The following CAMKMT variants were observed in gnomAD, a reference collection of about 807,000 sequenced individuals.
The protein encoded by CAMKMT is calmodulin-lysine N-methyltransferase.
A neutral mutation model predicts 48.0 loss-of-function variants in CAMKMT; 53 were observed. That is an observed-to-expected ratio of 1.10 (90% CI 0.89 to 1.39). CAMKMT has a LOEUF of 1.39. Among genes scored for constraint, CAMKMT ranks in the 40% most tolerant of loss-of-function variants. The pLI, the probability that CAMKMT is intolerant of heterozygous loss-of-function variation, is 0.00. For missense variants in CAMKMT, 428 were observed against 402.7 expected (o/e 1.06, Z -0.54); for synonymous variants, 165 against 152.3 (o/e 1.08, Z -0.61).
chr2:44,587,394 A>C (rs1378114430), intron 3 of CAMKMT, among the ~76,000 whole-genome samples: 2 of 151,992 alleles, frequency 1.3e-5, no homozygotes, highest in Non-Finnish European at 2.9e-5. Context: ...ATATTTTTTA[A>C]TGCTATTGTA....
At chr2:44,508,757 A>G (rs1670387084) in intron 3 of CAMKMT, among the ~76,000 whole-genome samples, 1 of 152,172 alleles carries the variant, frequency 6.6e-6, no homozygotes, top group Non-Finnish European at 1.5e-5. Context: ...CTATAATATT[A>G]TGTTAAAGGC....
intron 3 of CAMKMT, among the ~76,000 whole-genome samples, chr2:44,585,920 C>T (rs771936894): frequency 3.9e-5 from 6 of 152,168 alleles, no homozygotes; most frequent in Admixed American, 6.5e-5. Context: ...GCCCAAAGGT[C>T]GTTACTCTGC....
intron 3 of CAMKMT, among the ~76,000 whole-genome samples, chr2:44,663,813 A>T (rs1490310884): frequency 6.6e-6 from 1 of 152,194 alleles, no homozygotes; most frequent in Non-Finnish European, 1.5e-5. Flanking sequence ...ATGTGGTAAC[A>T]TTGTTCTTAG....
intron 3 of CAMKMT, among the ~76,000 whole-genome samples, chr2:44,703,508 A>G (rs1677366018): frequency 6.6e-6 from 1 of 152,180 alleles, no homozygotes; most frequent in Admixed American, 6.5e-5. Context: ...GGCCAGGCAC[A>G]GTAGCTCACA....
intron 3 of CAMKMT, among the ~76,000 whole-genome samples, chr2:44,412,943 G>A (rs1067390): frequency 0.53 from 80,171 of 151,268 alleles, 23,470 homozygotes; most frequent in Non-Finnish European, 0.66. Flanking sequence ...AGGTGTGGTG[G>A]CGTGCGCCTG....
intron 3 of CAMKMT, among the ~76,000 whole-genome samples, chr2:44,392,988 G>A (rs1036317227): frequency 6.6e-6 from 1 of 152,004 alleles, no homozygotes; most frequent in Non-Finnish European, 1.5e-5. Flanking sequence ...AGAAAAAACA[G>A]CTTAACTAAA....
At chr2:44,419,336 T>C (rs1449311456) in intron 3 of CAMKMT, among the ~76,000 whole-genome samples, 1 of 152,184 alleles carries the variant, frequency 6.6e-6, no homozygotes, top group African/African-American at 2.4e-5. Flanking sequence ...ATTCCAGTGT[T>C]TGGTCATTAG....
chr2:44,682,488 A>C (rs1265464869), intron 3 of CAMKMT, among the ~76,000 whole-genome samples: 1 of 152,196 alleles, frequency 6.6e-6, no homozygotes, highest in Non-Finnish European at 1.5e-5. Context: ...GTTGTCAAGA[A>C]GAAACCCATT....
At chr2:44,413,420 A>G (rs1237088460) in intron 3 of CAMKMT, among the ~76,000 whole-genome samples, 4 of 152,050 alleles carry the variant, frequency 2.6e-5, no homozygotes, top group African/African-American at 9.7e-5. Flanking sequence ...TTGGGAGGCC[A>G]AGGCGGGTGG....
chr2:44,666,516 C>G (rs1464510285), intron 3 of CAMKMT, among the ~76,000 whole-genome samples: 2 of 151,932 alleles, frequency 1.3e-5, no homozygotes, highest in Non-Finnish European at 2.9e-5. Context: ...ACACCAAGAT[C>G]TAAGTTCAGG....
chr2:44,529,317 T>C (rs1666342060), intron 3 of CAMKMT, among the ~76,000 whole-genome samples: 1 of 152,210 alleles, frequency 6.6e-6, no homozygotes, highest in Admixed American at 6.5e-5. Context: ...TTAAAAATTG[T>C]ATCACTTAAA....
In CAMKMT at chr2:44,768,361, ATT is replaced by A. The variant is rs1553448674; in HGVS notation, c.894+1815_894+1816del. On this transcript the variant is annotated intron_variant, in intron 10 of 10. Transcript: ENST00000378494. ...GCCCATGATATATATATATATATAT[ATT>A]TTTTTTTTTTTTTTAATAATGAGAG... Among the ~76,000 whole-genome samples the A allele has an allele frequency of 2.0e-3, 231 of 115,704 alleles. 1 individual carries two copies. Among genetic ancestry groups the A allele is most frequent in the African/African-American group, 6.6e-3 (178 of 26,976 alleles). The allele number at this position is 115,704 out of a possible 152,430, so 75.9% of individuals were successfully genotyped here.
chr2:44,394,916 C>G (rs1681687153), intron 3 of CAMKMT: 3 of 454,528 alleles, frequency 6.6e-6, no homozygotes, highest in Non-Finnish European at 8.8e-6. Context: ...CCCAGCTACT[C>G]AGAAGGCTAA....
At chr2:44,483,582 TTTGC>T (rs1296031407) in intron 3 of CAMKMT, among the ~76,000 whole-genome samples, 1 of 152,132 alleles carries the variant, frequency 6.6e-6, no homozygotes, top group Admixed American at 6.5e-5. Context: ...ACTTCTAAAG[TTTGC>T]TTGTAATTTG....
At position 44,455,382 on chromosome 2, in the gene CAMKMT, T is replaced by C. The variant is rs1481298224; in HGVS notation, c.376+65077T>C. On this transcript the variant is annotated intron_variant, in intron 3 of 10. Transcript: ENST00000378494. ...CCTTTGAACTTTGAGGTCTGAGCAGTGCAGGAAGAAGAGAAGAAATTGCGT... is the reference window on the plus strand; with the variant it reads ...CCTTTGAACTTTGAGGTCTGAGCAGCGCAGGAAGAAGAGAAGAAATTGCGT... Among the ~76,000 whole-genome samples the C allele has an allele frequency of 3.3e-5, 5 of 152,152 alleles. No individual in the cohort carries two copies. The East Asian group carries it at 5.8e-4, about 18-fold the overall frequency.
chr2:44,770,008 C>T (rs547092447), intron 10 of CAMKMT, among the ~76,000 whole-genome samples: 2 of 152,186 alleles, frequency 1.3e-5, no homozygotes, highest in Non-Finnish European at 2.9e-5. Flanking sequence ...CTCAAAGACC[C>T]TGTTTTAACC....
intron 3 of CAMKMT, among the ~76,000 whole-genome samples, chr2:44,492,442 C>T (rs1446383055): frequency 1.3e-5 from 2 of 151,956 alleles, no homozygotes; most frequent in African/African-American, 4.8e-5. Context: ...TTCTCAAATA[C>T]TCTTATTTCC....
chr2:44,507,454 C>A (rs1353823137), intron 3 of CAMKMT, among the ~76,000 whole-genome samples: 7 of 152,104 alleles, frequency 4.6e-5, no homozygotes, highest in African/African-American at 1.7e-4. Context: ...AGCACTGAAC[C>A]AAATTCATGG....
At chr2:44,377,224 C>G (rs140380161) in intron 2 of CAMKMT, among the ~76,000 whole-genome samples, 4 of 152,192 alleles carry the variant, frequency 2.6e-5, no homozygotes, top group African/African-American at 9.6e-5. Context: ...CCAGGCTGGT[C>G]TCAAACTGCT....
Sources: gnomAD v4.1 joint callset for allele counts (sites outside exome capture counted in the v4.1 genomes callset) on GRCh38, gnomAD v4.1.1 for gene constraint, MANE v1.5 for transcripts, NCBI Gene and HGNC (gene_info 2026-07-23, HGNC 2026-07-21) for gene names.